Variants in CACNA2D1 observed in about 807,000 individuals in gnomAD.
The protein encoded by CACNA2D1 is calcium voltage-gated channel auxiliary subunit alpha2delta 1, also known as voltage-dependent calcium channel subunit alpha-2/delta-1.
In CACNA2D1, 53 loss-of-function variants were observed where a neutral mutation model predicts 171.5. The ratio of observed to expected loss-of-function variants is 0.31; its 90% confidence interval spans 0.25 to 0.39. CACNA2D1 has a LOEUF of 0.39. Among genes scored for constraint, CACNA2D1 ranks in the 10% least tolerant of loss-of-function variants. CACNA2D1 has a pLI of 1.00. For synonymous variants in CACNA2D1, 442 were observed against 443.1 expected, an observed-to-expected ratio of 1.00 and a Z score of 0.03; for missense variants, 903 against 1,299.8, an observed-to-expected ratio of 0.69 and a Z score of 4.69.
intron 4 of CACNA2D1, among the ~76,000 whole-genome samples, chr7:82,162,818 G>A (rs1444162830): frequency 6.6e-6 from 1 of 151,752 alleles, no homozygotes; most frequent in African/African-American, 2.4e-5. Flanking sequence ...CAGTCCCCGG[G>A]GTCAGCTTTC....
intron 4 of CACNA2D1, among the ~76,000 whole-genome samples, chr7:82,159,902 G>A (rs185111932): frequency 9.2e-6 from 1 of 108,832 alleles, no homozygotes; most frequent in Non-Finnish European, 1.9e-5. Flanking sequence ...TTAACGTGAT[G>A]TTCCTGATGA....
At chr7:82,436,421 T>C (rs1830122722) in intron 1 of CACNA2D1, among the ~76,000 whole-genome samples, 1 of 152,180 alleles carries the variant, frequency 6.6e-6, no homozygotes, top group Non-Finnish European at 1.5e-5. Flanking sequence ...TCTTATCCAA[T>C]AAACCATTTC....
At chr7:82,280,737 A>C (rs571505752) in intron 3 of CACNA2D1, among the ~76,000 whole-genome samples, 2 of 152,238 alleles carry the variant, frequency 1.3e-5, no homozygotes, top group South Asian at 4.1e-4. Context: ...GCTGGAATGC[A>C]CTGGTATGAT....
chr7:81,992,319 T>G (rs1397807852), intron 20 of CACNA2D1, among the ~76,000 whole-genome samples: 1 of 152,090 alleles, frequency 6.6e-6, no homozygotes, highest in African/African-American at 2.4e-5. Flanking sequence ...AATTTATTGA[T>G]GAAGAAATAA....
At chr7:82,134,790 A>G (rs184397594) in intron 5 of CACNA2D1, among the ~76,000 whole-genome samples, 23 of 152,256 alleles carry the variant, frequency 1.5e-4, no homozygotes, top group Admixed American at 1.4e-3. Context: ...TTGAATGAAC[A>G]TTAGTGAAGG....
intron 3 of CACNA2D1, among the ~76,000 whole-genome samples, chr7:82,255,576 C>T (rs1015393050): frequency 1.1e-4 from 16 of 152,178 alleles, no homozygotes; most frequent in Non-Finnish European, 2.2e-4. Context: ...TATCTGCCTG[C>T]AGGCAGAACT....
intron 3 of CACNA2D1, among the ~76,000 whole-genome samples, chr7:82,185,674 G>C (rs185069212): frequency 0.012 from 1,789 of 152,000 alleles, 25 homozygotes; most frequent in Middle Eastern, 0.055. Flanking sequence ...TTATTAAAAA[G>C]GCAAGCGAAG....
At chr7:82,255,393 A>C (rs6951859) in intron 3 of CACNA2D1, among the ~76,000 whole-genome samples, 4,736 of 152,274 alleles carry the variant, frequency 0.031, 232 homozygotes, top group African/African-American at 0.11. Context: ...ATGTATCCCC[A>C]GAGTACATAA....
intron 6 of CACNA2D1, among the ~76,000 whole-genome samples, chr7:82,092,841 C>T (rs979161771): frequency 2.0e-5 from 3 of 151,570 alleles, no homozygotes; most frequent in African/African-American, 7.3e-5. Context: ...AAGAAATACC[C>T]TAAAGATCTT....
chr7:82,063,884 G>A (rs1807267217), intron 9 of CACNA2D1, among the ~76,000 whole-genome samples: 2 of 146,446 alleles, frequency 1.4e-5, no homozygotes, highest in Non-Finnish European at 3.0e-5. Flanking sequence ...TCTTTTCTGA[G>A]ACATTGTCTC....
chr7:82,259,494 T>C (rs1806804313), intron 3 of CACNA2D1, among the ~76,000 whole-genome samples: 1 of 152,224 alleles, frequency 6.6e-6, no homozygotes, highest in Non-Finnish European at 1.5e-5. Flanking sequence ...CTGAAATATT[T>C]CTATGGTAAC....
intron 12 of CACNA2D1, among the ~76,000 whole-genome samples, chr7:82,021,367 A>C (rs899811566): frequency 6.6e-6 from 1 of 152,120 alleles, no homozygotes; most frequent in African/African-American, 2.4e-5. Flanking sequence ...TATAAACGGA[A>C]GTGTTCCCTA....
chr7:82,045,946 C>A (rs886724248), intron 10 of CACNA2D1, among the ~76,000 whole-genome samples: 8 of 152,062 alleles, frequency 5.3e-5, no homozygotes, highest in African/African-American at 1.4e-4. Context: ...TAATCATTTT[C>A]AATTACAGTT....
At position 81,950,993 on chromosome 7, in the gene CACNA2D1, C is replaced by G. The variant is rs552673778; in HGVS notation, c.3160-485G>C. On this transcript the variant is annotated intron_variant, in intron 38 of 38. Transcript: ENST00000356860. ...AATTTATAAGGCTCAACATAGAGTG[C>G]AATCATAGCATCTGGACCTTCATCA... 1.1e-4 allele frequency among the ~76,000 whole-genome samples: 16 copies of G among 152,128 alleles called. No homozygotes were observed. In the South Asian group the frequency reaches 2.9e-3, roughly 28 times the overall value.
At chr7:82,393,254 T>C (rs1825397123) in intron 1 of CACNA2D1, among the ~76,000 whole-genome samples, 1 of 152,116 alleles carries the variant, frequency 6.6e-6, no homozygotes, top group Non-Finnish European at 1.5e-5. Context: ...TGTAGGAGTT[T>C]AATGAAGTAA....
chr7:82,300,816 G>C (rs4323419), intron 3 of CACNA2D1, among the ~76,000 whole-genome samples: 26,149 of 151,780 alleles, frequency 0.17, 2,802 homozygotes, highest in Non-Finnish European at 0.23. Context: ...TCTAGATTTA[G>C]TATTTACTTT....
intron 1 of CACNA2D1, among the ~76,000 whole-genome samples, chr7:82,421,411 T>C (rs1300099395): frequency 1.3e-5 from 2 of 152,216 alleles, no homozygotes; most frequent in African/African-American, 4.8e-5. Context: ...TTATCTGTGC[T>C]AATAAACTCT....
At chr7:82,021,210 G>A (rs958325914) in intron 12 of CACNA2D1, 1 of 152,130 alleles carries the variant, frequency 6.6e-6, no homozygotes, top group Non-Finnish European at 1.5e-5. Context: ...TGAGAGGTCA[G>A]AATATAAGCT....
chr7:82,361,663 C>G (rs918946448), intron 1 of CACNA2D1, among the ~76,000 whole-genome samples: 2 of 151,992 alleles, frequency 1.3e-5, no homozygotes, highest in Non-Finnish European at 2.9e-5. Flanking sequence ...CTTTGTATAA[C>G]TAAATCCAAT....
Sources: gnomAD v4.1 joint callset for allele counts (sites outside exome capture counted in the v4.1 genomes callset) on GRCh38, gnomAD v4.1.1 for gene constraint, MANE v1.5 for transcripts, NCBI Gene and HGNC (gene_info 2026-07-23, HGNC 2026-07-21) for gene names.